KIAA2012: variants seen among roughly 807,000 people sequenced by gnomAD.
KIAA2012 encodes the protein KIAA2012, also known as uncharacterized protein KIAA2012.
KIAA2012 carries 125 observed loss-of-function variants against 150.6 expected under a neutral mutation model. The ratio of observed to expected loss-of-function variants is 0.83; its 90% CI spans 0.72 to 0.96. KIAA2012 has a LOEUF of 0.96. Ranked by LOEUF, KIAA2012 falls within the 40% of genes least tolerant of loss-of-function variation. The pLI is 0.00. For missense variants in KIAA2012, 1,219 were observed against 1,354.9 expected (o/e 0.90, Z 1.57); for synonymous variants, 462 against 504.7 (o/e 0.92, Z 1.13).
At chr2:202,193,168 G>A in intron 19 of KIAA2012, 133 bp from the exon 20 acceptor site, 1 of 872,384 alleles carries the variant, frequency 1.1e-6, no homozygotes, top group Non-Finnish European at 1.8e-6. Context: ...AGTCTATGCA[G>A]CTGTGGGCAA....
chr2:202,152,004 A>G (rs116594708), intron 13 of KIAA2012, among the ~76,000 whole-genome samples: 5,035 of 152,178 alleles, frequency 0.033, 253 homozygotes, highest in African/African-American at 0.11. Context: ...AACTCAGGCA[A>G]TCCTCCTGCC....
chr2:202,142,880 C>T (rs528484802), intron 13 of KIAA2012, among the ~76,000 whole-genome samples: 1 of 151,632 alleles, frequency 6.6e-6, no homozygotes, highest in African/African-American at 2.4e-5. Flanking sequence ...GTTTAACTAA[C>T]AGGCAACATC....
chr2:202,083,962 A>C (rs1040764071), intron 2 of KIAA2012, among the ~76,000 whole-genome samples: 1 of 152,144 alleles, frequency 6.6e-6, no homozygotes, highest in Non-Finnish European at 1.5e-5. Context: ...ATTTGAGCTG[A>C]GTCTTGTAAA....
intron 13 of KIAA2012, among the ~76,000 whole-genome samples, chr2:202,149,646 C>T (rs1691382984): frequency 6.6e-6 from 1 of 152,180 alleles, no homozygotes; most frequent in African/African-American, 2.4e-5. Flanking sequence ...AGATGGGGAA[C>T]CCCAATTAGA....
chr2:202,080,731 AT>A (rs1177115377), intron 2 of KIAA2012, among the ~76,000 whole-genome samples: 3 of 151,084 alleles, frequency 2.0e-5, no homozygotes, highest in African/African-American at 7.3e-5. Context: ...GCTAACACTT[AT>A]GTAGAAGTTA....
In KIAA2012 at chr2:202,180,211, C is replaced by T. The variant is rs987735710; in HGVS notation, c.2120-4542C>T. ...ACTTGAACCCGGGAGGCGGAGGTTG[C>T]GGAGAGCCGAGATCGCGACATTGCA... On this transcript the variant is annotated intron_variant, in intron 15 of 23. Transcript: ENST00000498697. Among the ~76,000 whole-genome samples the T allele has an allele frequency of 4.9e-5, 7 of 142,206 alleles. No homozygotes were observed. In the East Asian group the frequency reaches 1.3e-3, roughly 26 times the overall value. The allele number at this position is 142,206 out of a possible 152,430, so 93.3% of individuals were successfully genotyped here.
rs1218281212 is a variant in KIAA2012, at chr2:202,099,801, G to C, written c.1012+5G>C. The C allele has an allele frequency of 1.3e-6, 2 of 1,546,918 alleles. No individual in the cohort carries two copies. Among genetic ancestry groups the C allele is most frequent in the East Asian group, 4.9e-5 (2 of 40,892 alleles). ...ATAGGAAGGCAGATCTCAGCGGTAA[G>C]AACTCAAATGTCTTGCTCATTGATC... On this transcript the variant is annotated splice_donor_5th_base_variant and intron_variant, in intron 6 of 23. Transcript: ENST00000498697.
intron 23 of KIAA2012, among the ~76,000 whole-genome samples, chr2:202,204,658 A>G (rs1289478569): frequency 6.6e-6 from 1 of 152,232 alleles, no homozygotes; most frequent in Admixed American, 6.5e-5. Flanking sequence ...TTTACAACCC[A>G]GAAATCCAAC....
At chr2:202,197,368 A>G (rs1692433602) in intron 22 of KIAA2012, 2 of 299,218 alleles carry the variant, frequency 6.7e-6, no homozygotes, top group African/African-American at 2.1e-5. Flanking sequence ...CTGATTTCGA[A>G]CCCACTGCCT....
chr2:202,080,914 G>A (rs541862847), intron 2 of KIAA2012, among the ~76,000 whole-genome samples: 51 of 152,104 alleles, frequency 3.4e-4, no homozygotes, highest in Middle Eastern at 3.4e-3. Flanking sequence ...TATTCACATC[G>A]TTGTACAATC....
chr2:202,075,697 C>A (rs1392051803), intron 2 of KIAA2012, among the ~76,000 whole-genome samples: 1 of 152,188 alleles, frequency 6.6e-6, no homozygotes, highest in Non-Finnish European at 1.5e-5. Flanking sequence ...TTTTCTGATT[C>A]ATACTTCCTA....
chr2:202,083,733 A>G (rs35712497), intron 2 of KIAA2012, among the ~76,000 whole-genome samples: 30,689 of 134,120 alleles, frequency 0.23, 4,145 homozygotes, highest in Non-Finnish European at 0.31. Flanking sequence ...GTTTAATGAC[A>G]TATTGGTTAC....
At chr2:202,174,173 C>T (rs1691949267) in intron 15 of KIAA2012, among the ~76,000 whole-genome samples, 2 of 152,206 alleles carry the variant, frequency 1.3e-5, no homozygotes, top group African/African-American at 2.4e-5. Context: ...CCATGTTAGT[C>T]AGGCTGGTCT....
chr2:202,195,512 ACT>A (rs1692397143), intron 21 of KIAA2012, among the ~76,000 whole-genome samples: 1 of 151,024 alleles, frequency 6.6e-6, no homozygotes, highest in Non-Finnish European at 1.5e-5. Flanking sequence ...CAAGAGCAAG[ACT>A]CTGTCTAAAA....
In KIAA2012 at chr2:202,154,832, G is replaced by A. The variant is rs1691492625; in HGVS notation, c.2046+22G>A. 4.6e-6 allele frequency: 7 copies of A among 1,537,842 alleles called. No individual in the cohort carries two copies. In the Admixed American group the frequency reaches 6.3e-5, roughly 14 times the overall value. Reference sequence around the variant, plus strand: ...GAAGGTGATCTCACACTGAGAAGACGAGGGGTTTTATAGACACAAACACAG... The same window carrying A: ...GAAGGTGATCTCACACTGAGAAGACAAGGGGTTTTATAGACACAAACACAG... On this transcript the variant is annotated intron_variant, in intron 14 of 23. Transcript: ENST00000498697.
intron 14 of KIAA2012, among the ~76,000 whole-genome samples, chr2:202,164,047 T>A (rs556163916): frequency 6.6e-5 from 10 of 152,012 alleles, no homozygotes; most frequent in Non-Finnish European, 1.3e-4. Flanking sequence ...GGATGCAGCT[T>A]TGATAACAAA....
chr2:202,088,291 G>C (rs954670847), intron 2 of KIAA2012, among the ~76,000 whole-genome samples: 1 of 152,188 alleles, frequency 6.6e-6, no homozygotes, highest in Non-Finnish European at 1.5e-5. Flanking sequence ...GGGAATAAGT[G>C]TTGGGCAGTT....
chr2:202,135,986 T>G (rs1288148833), intron 12 of KIAA2012: 1 of 306,662 alleles, frequency 3.3e-6, no homozygotes, highest in South Asian at 2.8e-5. Context: ...CCAAGCTGAT[T>G]CAAATTTAAA....
chr2:202,081,508 T>C lies in KIAA2012; in HGVS notation c.369+6333T>C, dbSNP rs1013852012. On this transcript the variant is annotated intron_variant, in intron 2 of 23. Transcript: ENST00000498697. ...GAGTTCCAGTTTCTCCATATCCTCA[T>C]CAACACTTGTTACTTTCTGTTTTCT... 2.6e-5 allele frequency among the ~76,000 whole-genome samples: 4 copies of C among 151,364 alleles called. No homozygotes were observed. The East Asian group carries it at 7.8e-4, about 29-fold the overall frequency.
Sources: allele counts gnomAD v4.1 joint callset (sites outside exome capture counted in the v4.1 genomes callset), GRCh38; gene constraint gnomAD v4.1.1; transcripts MANE v1.5; gene names NCBI Gene and HGNC (gene_info 2026-07-23, HGNC 2026-07-21).